NOS1AP: variants seen among roughly 807,000 people sequenced by gnomAD.
NOS1AP encodes the protein nitric oxide synthase 1 adaptor protein.
In NOS1AP, 21 loss-of-function variants were observed where a neutral mutation model predicts 56.2. The observed-to-expected ratio is 0.37, with a 90% CI of 0.26 to 0.54. The LOEUF is 0.54. Ranked by LOEUF, NOS1AP falls within the 20% of genes least tolerant of loss-of-function variation. NOS1AP has a pLI of 0.84. For synonymous variants in NOS1AP, 270 were observed against 274.6 expected (o/e 0.98, Z 0.17); for missense variants, 522 against 657.8 (o/e 0.79, Z 2.26).
intron 2 of NOS1AP, among the ~76,000 whole-genome samples, chr1:162,285,604 C>CA (rs11338041): frequency 1.0e-4 from 15 of 150,622 alleles, no homozygotes; most frequent in South Asian, 2.1e-4. Flanking sequence ...GACTCCAGTG[C>CA]AAAAAAAAAA....
chr1:162,289,648 A>G (rs1005733943), intron 3 of NOS1AP, among the ~76,000 whole-genome samples: 1 of 151,418 alleles, frequency 6.6e-6, no homozygotes, highest in African/African-American at 2.4e-5. Flanking sequence ...CTAATTTTTT[A>G]TATTTTTAGT....
At chr1:162,192,150 G>A (rs12087800) in intron 2 of NOS1AP, among the ~76,000 whole-genome samples, 67,743 of 151,974 alleles carry the variant, frequency 0.45, 15,732 homozygotes, top group South Asian at 0.6. Context: ...CCCAGCACCT[G>A]TGGAATATGA....
chr1:162,300,598 G>C, intron 3 of NOS1AP, 35 bp from the exon 4 acceptor site: 3 of 1,580,044 alleles, frequency 1.9e-6, no homozygotes, highest in Non-Finnish European at 2.6e-6. Flanking sequence ...CCCTGGTCCT[G>C]TAACTGAGGA....
In NOS1AP at chr1:162,134,483, T is replaced by C. The variant is rs542977926; in HGVS notation, c.106-19922T>C. Reference sequence around the variant, plus strand: ...CCTGGAGTGACAGAGGGAGACTTTGTCTAAAAAAAAAAAAAAAAAAAAGTA... The same window carrying C: ...CCTGGAGTGACAGAGGGAGACTTTGCCTAAAAAAAAAAAAAAAAAAAAGTA... On this transcript the variant is annotated intron_variant, in intron 1 of 9. Transcript: ENST00000361897. Among the ~76,000 whole-genome samples, 226 of 29,232 alleles carry C rather than the reference T, an allele frequency of 7.7e-3. 3 individuals are homozygous for C. In the South Asian group the frequency reaches 0.09, roughly 12 times the overall value. 19.2% of individuals were successfully genotyped at this position (29,232 alleles called of 152,430 possible).
At chr1:162,321,840 A>G (rs1656433277) in intron 4 of NOS1AP, among the ~76,000 whole-genome samples, 1 of 151,614 alleles carries the variant, frequency 6.6e-6, no homozygotes, top group Admixed American at 6.6e-5. Context: ...CCTACTTACG[A>G]ATGGGAGCTA....
chr1:162,239,468 G>A (rs1239730709), intron 2 of NOS1AP, among the ~76,000 whole-genome samples: 1 of 152,228 alleles, frequency 6.6e-6, no homozygotes, highest in East Asian at 1.9e-4. Context: ...GTCACCAAAA[G>A]GATTCCTTTG....
chr1:162,136,212 A>G (rs1648994866), intron 1 of NOS1AP, among the ~76,000 whole-genome samples: 2 of 152,196 alleles, frequency 1.3e-5, no homozygotes, highest in South Asian at 4.1e-4. Context: ...TAGAATTTGA[A>G]GAGGTATAAT....
In NOS1AP at chr1:162,163,028, T is replaced by C. The variant is rs184336903; in HGVS notation, c.177+8552T>C. ...TTCTGTCTCTATGGATTTGCCTGTT[T>C]TGGACATTTTAAATGGCATCATACA... On this transcript the variant is annotated intron_variant, in intron 2 of 9. Transcript: ENST00000361897. Among the ~76,000 whole-genome samples, 140 of 152,336 alleles carry C rather than the reference T, an allele frequency of 9.2e-4. 1 individual carries two copies. The highest frequency in any genetic ancestry group is 3.3e-3 in the African/African-American group (136 of 41,584).
intron 2 of NOS1AP, among the ~76,000 whole-genome samples, chr1:162,234,895 T>C (rs147942540): frequency 1.4e-4 from 21 of 152,284 alleles, no homozygotes; most frequent in African/African-American, 4.6e-4. Context: ...CTGCAAACTA[T>C]ACCCTGCAAT....
At chr1:162,350,634 C>T (rs1296235946) in intron 6 of NOS1AP, among the ~76,000 whole-genome samples, 1 of 152,208 alleles carries the variant, frequency 6.6e-6, no homozygotes, top group Non-Finnish European at 1.5e-5. Flanking sequence ...GCAAAATAGA[C>T]CTTTTTTGAA....
At chr1:162,322,958 G>T (rs1012183053) in intron 4 of NOS1AP, among the ~76,000 whole-genome samples, 2 of 152,192 alleles carry the variant, frequency 1.3e-5, no homozygotes, top group African/African-American at 2.4e-5. Flanking sequence ...AGATTGCTAG[G>T]GTTCCAATTC....
intron 1 of NOS1AP, among the ~76,000 whole-genome samples, chr1:162,148,263 A>AT (rs1649566449): frequency 6.6e-6 from 1 of 152,160 alleles, no homozygotes; most frequent in Non-Finnish European, 1.5e-5. Flanking sequence ...TTTTTGGAGG[A>AT]TTCCACTCAG....
At chr1:162,296,249 T>C (rs917507516) in intron 3 of NOS1AP, among the ~76,000 whole-genome samples, 4 of 152,132 alleles carry the variant, frequency 2.6e-5, no homozygotes, top group Admixed American at 6.5e-5. Flanking sequence ...ATCGCGCCAC[T>C]GCACTCCAGC....
chr1:162,251,847 C>A (rs1056276656), intron 2 of NOS1AP, among the ~76,000 whole-genome samples: 12 of 142,306 alleles, frequency 8.4e-5, no homozygotes, highest in Non-Finnish European at 1.8e-4. Flanking sequence ...ACCACAACAC[C>A]TAGCTAGTTG....
chr1:162,285,310 A>C (rs1275894388), intron 2 of NOS1AP, among the ~76,000 whole-genome samples: 1 of 152,182 alleles, frequency 6.6e-6, no homozygotes, highest in East Asian at 1.9e-4. Context: ...ACTGGAGGTA[A>C]ATGCAGGTGT....
rs954952502 is a variant in NOS1AP at position 162,178,782 on chromosome 1, G to T, written c.177+24306G>T. Among the ~76,000 whole-genome samples, 3 of 152,270 alleles carry T rather than the reference G, an allele frequency of 2.0e-5. No homozygotes were observed. In the South Asian group the frequency reaches 6.2e-4, roughly 31 times the overall value. ...AAAAGGTTTCTTTCTCTGTGTGAAA[G>T]TTGTAGCCTTGCCTAGGTGCTCTTA... On this transcript the variant is annotated intron_variant, in intron 2 of 9. Coordinates refer to ENST00000361897, the MANE Select transcript of NOS1AP (RefSeq NM_014697.3).
At chr1:162,094,979 C>T (rs1692206377) in intron 1 of NOS1AP, among the ~76,000 whole-genome samples, 1 of 152,180 alleles carries the variant, frequency 6.6e-6, no homozygotes, top group Non-Finnish European at 1.5e-5. Context: ...GCTTTAAGTC[C>T]ACTCACACTC....
chr1:162,343,917 A>G lies in NOS1AP; in HGVS notation c.536A>G (p.Asn179Ser). The change falls in exon 6 of 10, where the codon AAT becomes AGT. Residue 179 changes from asparagine to serine, a missense_variant. Coordinates refer to ENST00000361897, the MANE Select transcript of NOS1AP (RefSeq NM_014697.3). Reference protein sequence around the residue: ...HKLSLQHTQQNADGQEDGESE... With the variant: ...HKLSLQHTQQSADGQEDGESE... ...CTGAGCCTGCAGCACACGCAGCAGA[A>G]TGCAGATGGCCAGGAAGATGGAGAG... 1 of 1,614,132 alleles carries G rather than the reference A, an allele frequency of 6.2e-7. No individual in the cohort carries two copies. Among genetic ancestry groups the G allele is most frequent in the Non-Finnish European group, 8.5e-7 (1 of 1,180,014 alleles).
intron 1 of NOS1AP, among the ~76,000 whole-genome samples, chr1:162,137,366 T>G (rs1436052724): frequency 6.6e-6 from 1 of 152,192 alleles, no homozygotes; most frequent in Non-Finnish European, 1.5e-5. Flanking sequence ...TGCCGTTTGC[T>G]TGCACTTTAA....
Sources: gnomAD v4.1 joint callset for allele counts (sites outside exome capture counted in the v4.1 genomes callset) on GRCh38, gnomAD v4.1.1 for gene constraint, MANE v1.5 for transcripts, NCBI Gene and HGNC (gene_info 2026-07-23, HGNC 2026-07-21) for gene names.